CNOT6: variants seen among roughly 807,000 people sequenced by gnomAD.
CNOT6 encodes CCR4-NOT transcription complex subunit 6, also known as carbon catabolite repression 4 protein.
CNOT6 carries 12 observed loss-of-function variants against 61.2 expected under a neutral mutation model. That is an observed-to-expected ratio of 0.20 (90% confidence interval 0.13 to 0.32). The LOEUF is 0.32. Ranked by LOEUF, CNOT6 falls within the 10% of genes least tolerant of loss-of-function variation. CNOT6 has a pLI of 1.00. For synonymous variants in CNOT6, 225 were observed against 240.6 expected (o/e 0.94, Z 0.60); for missense variants, 405 against 663.9 (o/e 0.61, Z 4.28).
At chr5:180,544,339 A>C (rs144294410) in intron 2 of CNOT6, among the ~76,000 whole-genome samples, 3 of 152,344 alleles carry the variant, frequency 2.0e-5, no homozygotes, top group Non-Finnish European at 2.9e-5. Flanking sequence ...GAAGTTTTAC[A>C]TTTTAATGAA....
chr5:180,564,558 A>G lies in CNOT6; in HGVS notation c.455A>G (p.Tyr152Cys), dbSNP rs757560418. ...GATGGAACAAGACGGCTGCTGAACTATTTGCTTGATAATTTGTCAGGTACT... is the reference window on the plus strand; with the variant it reads ...GATGGAACAAGACGGCTGCTGAACTGTTTGCTTGATAATTTGTCAGGTACT... Reference protein sequence around the residue: ...EPDGTRRLLNYLLDNLSGTAK... With the variant: ...EPDGTRRLLNCLLDNLSGTAK... The change falls in exon 5 of 12, where the codon TAT (tyrosine) becomes TGT (cysteine). Residue 152 changes from tyrosine to cysteine, a missense_variant. Physicochemically the swap from Tyr to Cys is radical, Grantham distance 194. Coordinates refer to ENST00000261951, the MANE Select transcript of CNOT6 (RefSeq NM_001370472.1). 13 of 1,613,896 alleles carry G rather than the reference A, an allele frequency of 8.1e-6. No individual in the cohort carries two copies. Among genetic ancestry groups the G allele is most frequent in the Non-Finnish European group, 1.1e-5 (13 of 1,179,942 alleles).
rs186297518 is a variant in CNOT6, at chr5:180,535,707, T to C, written c.112+6319T>C. ...TGCTGGATAGAATGGTAGTTGTATTTGTAGTTCTGTGAGAAATCTCCATAC... is the reference window on the plus strand; with the variant it reads ...TGCTGGATAGAATGGTAGTTGTATTCGTAGTTCTGTGAGAAATCTCCATAC... On this transcript the variant is annotated intron_variant, in intron 2 of 11. Transcript: ENST00000261951. Among the ~76,000 whole-genome samples the C allele has an allele frequency of 3.6e-3, 549 of 152,350 alleles. 3 individuals carry two copies. Among genetic ancestry groups the C allele is most frequent in the African/African-American group, 0.012 (510 of 41,576 alleles).
chr5:180,504,631 C>G (rs1393457451), intron 1 of CNOT6, among the ~76,000 whole-genome samples: 4 of 152,164 alleles, frequency 2.6e-5, no homozygotes, highest in Non-Finnish European at 5.9e-5. Flanking sequence ...GGTAAGAGAA[C>G]AGATTTAGGA....
intron 3 of CNOT6, 48 bp from the exon 4 acceptor site, chr5:180,553,338 T>TA: frequency 7.5e-7 from 1 of 1,329,944 alleles, no homozygotes; most frequent in Non-Finnish European, 1.1e-6. Context: ...TTTTAACTGT[T>TA]AAAGGCTAAC....
chr5:180,551,535 GC>G (rs2127745585), intron 3 of CNOT6, among the ~76,000 whole-genome samples: 1 of 152,216 alleles, frequency 6.6e-6, no homozygotes, highest in African/African-American at 2.4e-5. Flanking sequence ...ACTGTGGCTG[GC>G]CCATGATTAT....
At position 180,534,243 on chromosome 5, in the gene CNOT6, A is replaced by C. The variant is rs139233638; in HGVS notation, c.112+4855A>C. The C allele has an allele frequency of 9.7e-3, 1,522 of 157,562 alleles. 15 individuals are homozygous for C. Among genetic ancestry groups the C allele is most frequent in the Admixed American group, 0.02 (316 of 15,642 alleles). 9.8% of individuals were successfully genotyped at this position (157,562 alleles called of 1,614,324 possible). ...GCTGTATATCTTGTATATCTTTGCTACCGAAAGGGGAAGGTTGACGTAGGC... is the reference window on the plus strand; with the variant it reads ...GCTGTATATCTTGTATATCTTTGCTCCCGAAAGGGGAAGGTTGACGTAGGC... On this transcript the variant is annotated intron_variant, in intron 2 of 11. Coordinates refer to ENST00000261951, the MANE Select transcript of CNOT6 (RefSeq NM_001370472.1).
At chr5:180,570,230 C>T (rs1387995007) in intron 10 of CNOT6, among the ~76,000 whole-genome samples, 10 of 152,066 alleles carry the variant, frequency 6.6e-5, no homozygotes, top group South Asian at 2.1e-4. Flanking sequence ...TGGTGGTGCA[C>T]GCCTGTAATC....
chr5:180,545,674 C>A (rs1015169768), intron 2 of CNOT6, among the ~76,000 whole-genome samples: 4 of 152,078 alleles, frequency 2.6e-5, no homozygotes, highest in African/African-American at 9.7e-5. Flanking sequence ...ATAAAGCTGC[C>A]GTGAACATTC....
At chr5:180,519,115 G>A (rs1174679243) in intron 1 of CNOT6, among the ~76,000 whole-genome samples, 1 of 152,216 alleles carries the variant, frequency 6.6e-6, no homozygotes, top group East Asian at 1.9e-4. Context: ...CACGTGTGCT[G>A]TAAGGAATCG....
chr5:180,571,158 T>C (rs1760727601), intron 10 of CNOT6, 72 bp from the exon 11 acceptor site: 2 of 1,058,236 alleles, frequency 1.9e-6, no homozygotes. Context: ...TTAAAACTTC[T>C]TACTATTGCA....
intron 1 of CNOT6, among the ~76,000 whole-genome samples, chr5:180,512,637 G>A (rs539628577): frequency 1.3e-5 from 2 of 151,186 alleles, no homozygotes; most frequent in South Asian, 4.2e-4. Context: ...TTGCTCTGTT[G>A]CCAGGCTGGA....
At chr5:180,559,142 A>G (rs369488200) in intron 4 of CNOT6, among the ~76,000 whole-genome samples, 2 of 152,198 alleles carry the variant, frequency 1.3e-5, no homozygotes, top group African/African-American at 4.8e-5. Flanking sequence ...CTGTATATTA[A>G]CTTAATGTCT....
At position 180,574,272 on chromosome 5, in the gene CNOT6, A is replaced by G. The variant is rs1168905824; in HGVS notation, c.*72A>G. 4.0e-6 allele frequency: 5 copies of G among 1,241,370 alleles called. No individual in the cohort carries two copies. The African/African-American group carries it at 5.9e-5, about 15-fold the overall frequency. The allele number at this position is 1,241,370 out of a possible 1,614,324, so 76.9% of individuals were successfully genotyped here. A position where few individuals can be genotyped will look rare whatever the true frequency, so the allele number is the denominator to read the frequency against. On this transcript the variant is annotated 3_prime_UTR_variant, in exon 12 of 12. Transcript: ENST00000261951. The stretch of plus-strand genomic sequence containing the variant: ...AAATCTGAACATAGGGGAGTGAGGT[A>G]TGGCCACTGAGGATTTTTGCTTGCT...
intron 2 of CNOT6, among the ~76,000 whole-genome samples, chr5:180,538,686 G>GTATATATATATATATATATA (rs59342527): frequency 1.5e-3 from 126 of 85,016 alleles, no homozygotes; most frequent in East Asian, 0.011. Context: ...TGAGAAAAAG[G>GTATATATATATATATATATA]TATATATATA....
chr5:180,511,775 A>T (rs957324567), intron 1 of CNOT6, among the ~76,000 whole-genome samples: 9 of 152,006 alleles, frequency 5.9e-5, no homozygotes, highest in African/African-American at 2.2e-4. Flanking sequence ...CTGAAAAAAA[A>T]AATAATTTTA....
At chr5:180,549,885 G>A (rs1759509048) in intron 2 of CNOT6, 46 bp from the exon 3 acceptor site, 1 of 1,377,776 alleles carries the variant, frequency 7.3e-7, no homozygotes, top group South Asian at 1.3e-5. Flanking sequence ...AGAACAAAAT[G>A]TAGAGAAAAC....
At chr5:180,498,674 A>G (rs1323012939) in intron 1 of CNOT6, among the ~76,000 whole-genome samples, 1 of 152,232 alleles carries the variant, frequency 6.6e-6, no homozygotes, top group Non-Finnish European at 1.5e-5. Context: ...ACAGCAGAAG[A>G]GAGAGCCAAA....
At chr5:180,559,878 T>G (rs897595742) in intron 4 of CNOT6, among the ~76,000 whole-genome samples, 1 of 152,198 alleles carries the variant, frequency 6.6e-6, no homozygotes, top group Non-Finnish European at 1.5e-5. Flanking sequence ...CTTTACATCC[T>G]TTTATTCACT....
intron 11 of CNOT6, among the ~76,000 whole-genome samples, chr5:180,573,604 C>T (rs11743449): frequency 0.11 from 1,558 of 14,202 alleles, 15 homozygotes; most frequent in South Asian, 0.24. Context: ...TGTGTGTGTC[C>T]GTCCGTCCGT....
Sources: gnomAD v4.1 joint callset for allele counts (sites outside exome capture counted in the v4.1 genomes callset) on GRCh38, gnomAD v4.1.1 for gene constraint, MANE v1.5 for transcripts, NCBI Gene and HGNC (gene_info 2026-07-23, HGNC 2026-07-21) for gene names.